CSNK1D: variants seen among roughly 807,000 people sequenced by gnomAD.
CSNK1D encodes the protein casein kinase I isoform delta.
Under a neutral mutation model 46.6 loss-of-function variants are expected in CSNK1D, and 16 were observed. That is an observed-to-expected ratio of 0.34 (90% CI 0.23 to 0.52). The LOEUF is 0.52. Among genes scored for constraint, CSNK1D ranks in the 20% least tolerant of loss-of-function variants. The probability of loss-of-function intolerance (pLI) is 0.95; values close to 1 mark genes in which losing one functional copy is unlikely to be tolerated. For synonymous variants in CSNK1D, 276 were observed against 228.2 expected, an observed-to-expected ratio of 1.21 and a Z score of -1.89; for missense variants, 398 against 578.4, an observed-to-expected ratio of 0.69 and a Z score of 3.20.
At chr17:82,267,986 C>T (rs1001087156) in intron 1 of CSNK1D, among the ~76,000 whole-genome samples, 7 of 152,226 alleles carry the variant, frequency 4.6e-5, no homozygotes, top group African/African-American at 4.8e-5. Context: ...CATCACCAGC[C>T]GCTCTGGCAC....
chr17:82,263,391 T>C (rs8069256), intron 2 of CSNK1D, among the ~76,000 whole-genome samples: 12,648 of 152,240 alleles, frequency 0.083, 1,570 homozygotes, highest in African/African-American at 0.27. Flanking sequence ...GGCAGGAACA[T>C]GAAGGTGCAG....
chr17:82,260,525 T>G (rs891061781), intron 2 of CSNK1D, among the ~76,000 whole-genome samples: 7 of 149,474 alleles, frequency 4.7e-5, no homozygotes, highest in African/African-American at 9.9e-5. Context: ...CTGAGTGATG[T>G]GACTGATGGT....
At chr17:82,269,252 C>T (rs1251004873) in intron 1 of CSNK1D, among the ~76,000 whole-genome samples, 8 of 152,060 alleles carry the variant, frequency 5.3e-5, no homozygotes, top group Admixed American at 1.3e-4. Context: ...AACAGGGAGA[C>T]GCCTTGAGCA....
Position 82,251,728 on chromosome 17 carries a change from C to T in CSNK1D, c.737-201G>A, listed in dbSNP as rs1484044896. On this transcript the variant is annotated intron_variant, in intron 5 of 8. Coordinates refer to ENST00000314028, the MANE Select transcript of CSNK1D (RefSeq NM_001893.6). The surrounding 1 kb of genome is among the most constrained non-coding windows in gnomAD (Gnocchi z 4.5). ...AGTCACGGCCGGGTGCGGCGGCTCA[C>T]GCCTGTCACCCCAGCACTCTAGGAG... is the stretch of plus-strand genomic sequence containing the variant. 14 of 633,994 alleles carry T rather than the reference C, an allele frequency of 2.2e-5. No individual in the cohort carries two copies. The highest frequency in any genetic ancestry group is 4.3e-5 in the Admixed American group (2 of 46,000). 39.3% of individuals were successfully genotyped at this position (633,994 alleles called of 1,614,324 possible). A position where few individuals can be genotyped will look rare whatever the true frequency, so the allele number is the denominator to read the frequency against.
intron 1 of CSNK1D, among the ~76,000 whole-genome samples, chr17:82,269,879 T>G (rs755731859): frequency 6.2e-4 from 95 of 152,370 alleles, no homozygotes; most frequent in Non-Finnish European, 1.2e-3. Context: ...TGGTCCACAT[T>G]AAGGACACTG....
chr17:82,249,523 G>T lies in CSNK1D; in HGVS notation c.965C>A (p.Ala322Asp). The change falls in exon 7 of 9, where the codon GCT becomes GAT. Residue 322 changes from alanine (A) to aspartate (D), a missense_variant. Physicochemically the swap from Ala to Asp is moderately radical, Grantham distance 126. Transcript: ENST00000314028. This position sits in a 1 kb window ranked among gnomAD's most constrained non-coding sequence, Gnocchi z 6.7. ...GGCTGTGGAAGGGAGGCCGCGGGTA[G>T]CCGGGTTCCGCGAGTGTCTCAGCCG... ...EERLRHSRNP[A>D]TRGLPSTASG... 1 of 1,544,836 alleles carries T rather than the reference G, an allele frequency of 6.5e-7. No individual in the cohort carries two copies. The highest frequency in any genetic ancestry group is 8.7e-7 in the Non-Finnish European group (1 of 1,147,154).
In CSNK1D at chr17:82,253,209, G is replaced by A. The variant is rs760805195; in HGVS notation, c.372C>T (p.Phe124=). 6.2e-7 allele frequency: 1 copy of A among 1,614,150 alleles called. No homozygotes were observed. The highest frequency in any genetic ancestry group is 8.5e-7 in the Non-Finnish European group (1 of 1,180,004). Residue 124 remains phenylalanine (F), a synonymous_variant, in exon 4 of 9, where the codon TTC becomes TTT. Coordinates refer to ENST00000314028, the MANE Select transcript of CSNK1D (RefSeq NM_001893.6). ...TGTCTGGCTTCACATCCCGGTGGAT[G>A]AAGTTCTTTGAATGAATGTATTCGA... ...SRIEYIHSKN[F]IHRDVKPDNF... is the part of the protein sequence containing the mutation.
Position 82,244,467 on chromosome 17 carries a change from G to C in CSNK1D, c.*314C>G. 7.3e-7 allele frequency: 1 copy of C among 1,360,996 alleles called. No homozygotes were observed. Among genetic ancestry groups the C allele is most frequent in the East Asian group, 3.0e-5 (1 of 33,132 alleles). 84.3% of individuals were successfully genotyped at this position (1,360,996 alleles called of 1,614,324 possible). ...ACAGTGGAATCGTCAGGGAGTACAG[G>C]GCGGCCACCACTGGAGGGAGCTGAG... On this transcript the variant is annotated 3_prime_UTR_variant, in exon 9 of 9. Coordinates refer to ENST00000314028, the MANE Select transcript of CSNK1D (RefSeq NM_001893.6).
intron 8 of CSNK1D, chr17:82,245,328 G>T: frequency 3.6e-6 from 1 of 276,258 alleles, no homozygotes; most frequent in Non-Finnish European, 7.1e-6. Flanking sequence ...GGAGCACAGC[G>T]TGGACGCCGG....
chr17:82,241,117 T>C (rs2050736310), downstream of CSNK1D, among the ~76,000 whole-genome samples: 1 of 150,782 alleles, frequency 6.6e-6, no homozygotes, highest in Non-Finnish European at 1.5e-5. Flanking sequence ...CCACTGCTAC[T>C]TGGGGTGGGG....
At chr17:82,240,138 G>A, downstream of CSNK1D, 1 of 1,118,752 alleles carries the variant, frequency 8.9e-7, no homozygotes, top group Non-Finnish European at 1.1e-6. Flanking sequence ...TGCGCCAGCT[G>A]GGCTTGAGCT....
At chr17:82,253,316 A>G in intron 3 of CSNK1D, 72 bp from the exon 4 acceptor site, 3 of 1,138,712 alleles carry the variant, frequency 2.6e-6, no homozygotes, top group South Asian at 1.2e-5. Flanking sequence ...ACTGTGGGAC[A>G]CTACATCAGT....
At chr17:82,265,884 T>C in intron 1 of CSNK1D, 88 bp from the exon 2 acceptor site, 1 of 1,121,496 alleles carries the variant, frequency 8.9e-7, no homozygotes, top group Non-Finnish European at 1.4e-6. Flanking sequence ...CACTATGTGT[T>C]TTCCATGAAG....
In CSNK1D at chr17:82,255,701, A is replaced by G; in HGVS notation, c.188-124T>C. 1 of 1,256,056 alleles carries G rather than the reference A, an allele frequency of 8.0e-7. No individual in the cohort carries two copies. The highest frequency in any genetic ancestry group is 1.5e-5 in the African/African-American group (1 of 68,000). 77.8% of individuals were successfully genotyped at this position (1,256,056 alleles called of 1,614,324 possible). A position where few individuals can be genotyped will look rare whatever the true frequency, so the allele number is the denominator to read the frequency against. ...TGAACGGGGGAGGGGTGGTGGAGGTAGAAGACCCCGGCAACGCCGCTCCTC... is the reference window on the plus strand; with the variant it reads ...TGAACGGGGGAGGGGTGGTGGAGGTGGAAGACCCCGGCAACGCCGCTCCTC... On this transcript the variant is annotated intron_variant, in intron 2 of 8. Transcript: ENST00000314028. The surrounding 1 kb of genome is among the most constrained non-coding windows in gnomAD (Gnocchi z 5.9).
chr17:82,239,088 G>A, downstream of CSNK1D: 1 of 1,082,200 alleles, frequency 9.2e-7, no homozygotes, highest in Non-Finnish European at 1.3e-6. Flanking sequence ...GGCTCCAGCT[G>A]CCGGCCCAGC....
chr17:82,268,313 C>T (rs2051531774), intron 1 of CSNK1D, among the ~76,000 whole-genome samples: 1 of 152,240 alleles, frequency 6.6e-6, no homozygotes, highest in Non-Finnish European at 1.5e-5. Context: ...CCCTGTCCCA[C>T]CTCGCCCACC....
chr17:82,259,216 G>A (rs1192397886), intron 2 of CSNK1D, among the ~76,000 whole-genome samples: 2 of 152,126 alleles, frequency 1.3e-5, no homozygotes, highest in African/African-American at 4.8e-5. Flanking sequence ...TTTTGCTACT[G>A]TAAGCATTAT....
At position 82,249,766 on chromosome 17, in the gene CSNK1D, C is replaced by T. The variant is rs1007752348; in HGVS notation, c.886-164G>A. 17 of 1,475,252 alleles carry T rather than the reference C, an allele frequency of 1.2e-5. No homozygotes were observed. Among genetic ancestry groups the T allele is most frequent in the Middle Eastern group, 2.5e-4 (1 of 4,080 alleles). 91.4% of individuals were successfully genotyped at this position (1,475,252 alleles called of 1,614,324 possible). On this transcript the variant is annotated intron_variant, in intron 6 of 8. Coordinates refer to ENST00000314028, the MANE Select transcript of CSNK1D (RefSeq NM_001893.6). The surrounding 1 kb of genome is among the most constrained non-coding windows in gnomAD (Gnocchi z 6.7). ...CTGCACGTTTCTCCTCATGGGATGACAGCATCATCCCCACAAGGGGTCAGA... is the reference window on the plus strand; with the variant it reads ...CTGCACGTTTCTCCTCATGGGATGATAGCATCATCCCCACAAGGGGTCAGA...
At position 82,248,566 on chromosome 17, in the gene CSNK1D, G is replaced by A; in HGVS notation, c.1197+309C>T. On this transcript the variant is annotated intron_variant, in intron 8 of 8. Transcript: ENST00000314028. This position sits in a 1 kb window ranked among gnomAD's most constrained non-coding sequence, Gnocchi z 4.1. ...GCAGGCGAGCGGTGTCAGCTGCCTGGGGACGGCTGCGGGCAGCGGGGCACT... is the reference window on the plus strand; with the variant it reads ...GCAGGCGAGCGGTGTCAGCTGCCTGAGGACGGCTGCGGGCAGCGGGGCACT... The A allele has an allele frequency of 8.2e-7, 1 of 1,219,398 alleles. No individual in the cohort carries two copies. Among genetic ancestry groups the A allele is most frequent in the Non-Finnish European group, 1.0e-6 (1 of 968,092 alleles). The allele number at this position is 1,219,398 out of a possible 1,614,324, so 75.5% of individuals were successfully genotyped here. A position where few individuals can be genotyped will look rare whatever the true frequency, so the allele number is the denominator to read the frequency against.
Sources: gnomAD v4.1 joint callset for allele counts (sites outside exome capture counted in the v4.1 genomes callset) on GRCh38, gnomAD v4.1.1 for gene constraint, Gnocchi (gnomAD v3.1) non-coding constraint, MANE v1.5 for transcripts, NCBI Gene and HGNC (gene_info 2026-07-23, HGNC 2026-07-21) for gene names.